FOXN3: variants seen among roughly 807,000 people sequenced by gnomAD.
FOXN3 encodes forkhead box protein N3.
FOXN3 carries 7 observed loss-of-function variants against 38.4 expected under a neutral mutation model. The observed-to-expected ratio is 0.18, with a 90% CI of 0.10 to 0.34. FOXN3 has a LOEUF of 0.34. FOXN3 is among the 10% of genes least tolerant of loss of function. The pLI, the probability that FOXN3 is intolerant of heterozygous loss-of-function variation, is 1.00. For missense variants in FOXN3, 456 were observed against 613.4 expected, an observed-to-expected ratio of 0.74 and a Z score of 2.71; for synonymous variants, 230 against 242.2, an observed-to-expected ratio of 0.95 and a Z score of 0.47.
At chr14:89,268,463 ACT>A (rs1379217220) in intron 4 of FOXN3, among the ~76,000 whole-genome samples, 1 of 152,210 alleles carries the variant, frequency 6.6e-6, no homozygotes, top group Admixed American at 6.5e-5. Context: ...AATTAGAAAC[ACT>A]GTATTCATCA....
chr14:89,307,023 A>C (rs1317862824), intron 3 of FOXN3, among the ~76,000 whole-genome samples: 4 of 152,236 alleles, frequency 2.6e-5, no homozygotes, highest in Non-Finnish European at 4.4e-5. Context: ...CAGAGTAGTG[A>C]CATTTTAATC....
At chr14:89,513,053 T>C (rs1023924464) in intron 1 of FOXN3, among the ~76,000 whole-genome samples, 1 of 150,142 alleles carries the variant, frequency 6.7e-6, no homozygotes, top group Admixed American at 6.7e-5. Flanking sequence ...GGCAGGAGAA[T>C]TGCTTGAACT....
intron 2 of FOXN3, among the ~76,000 whole-genome samples, chr14:89,401,040 G>A (rs983254686): frequency 5.3e-5 from 8 of 152,156 alleles, no homozygotes; most frequent in Non-Finnish European, 1.0e-4. Context: ...ACCCAAAACA[G>A]TGCCTGGCAC....
intron 3 of FOXN3, among the ~76,000 whole-genome samples, chr14:89,315,963 C>A (rs1379905359): frequency 2.0e-5 from 3 of 152,186 alleles, no homozygotes; most frequent in Admixed American, 6.5e-5. Context: ...GCTTTCCCTT[C>A]TCCCAAGATC....
intron 4 of FOXN3, among the ~76,000 whole-genome samples, chr14:89,219,228 C>G (rs986416362): frequency 6.6e-6 from 1 of 152,116 alleles, no homozygotes; most frequent in Non-Finnish European, 1.5e-5. Flanking sequence ...CTCACGAGAT[C>G]TGATGGTTTA....
At chr14:89,339,530 T>C (rs1024432916) in intron 3 of FOXN3, among the ~76,000 whole-genome samples, 1 of 152,278 alleles carries the variant, frequency 6.6e-6, no homozygotes, top group Non-Finnish European at 1.5e-5. Context: ...CGGATCCTGC[T>C]CCTTCCAATG....
chr14:89,427,249 G>A (rs10133004), intron 1 of FOXN3, among the ~76,000 whole-genome samples: 8,090 of 121,442 alleles, frequency 0.067, 406 homozygotes, highest in African/African-American at 0.1. Context: ...AAAGAAAAGA[G>A]AAGAAAAAGA....
At chr14:89,611,930 G>C (rs1029641804) in intron 1 of FOXN3, among the ~76,000 whole-genome samples, 2 of 152,104 alleles carry the variant, frequency 1.3e-5, no homozygotes, top group African/African-American at 4.8e-5. Flanking sequence ...GGGAATTACA[G>C]CAAATATTCC....
intron 1 of FOXN3, among the ~76,000 whole-genome samples, chr14:89,502,455 A>T (rs1893823246): frequency 6.6e-6 from 1 of 152,258 alleles, no homozygotes; most frequent in Admixed American, 6.5e-5. Flanking sequence ...TTAGAAATAG[A>T]TCATTTTTAT....
rs1452506204 is a variant in FOXN3, at chr14:89,162,810, G to A, written c.1011C>T (p.Ser337=). ...SPTSDSISSS[S]SSADDHYEFA... ...ACTCATAGTGGTCGTCGGCTGAGGA[G>A]GAGGAGGAGGAGATGGAGTCGCTGG... Residue 337 remains serine, a synonymous_variant, in exon 6 of 6, where the codon TCC becomes TCT. Coordinates refer to ENST00000557258, the MANE Select transcript of FOXN3 (RefSeq NM_005197.4). The surrounding 1 kb of genome is among the most constrained non-coding windows in gnomAD (Gnocchi z 7.2). 11 of 1,611,648 alleles carry A rather than the reference G, an allele frequency of 6.8e-6. No individual in the cohort carries two copies. Among genetic ancestry groups the A allele is most frequent in the Non-Finnish European group, 9.3e-6 (11 of 1,179,450 alleles).
chr14:89,525,979 A>G (rs1288340170), intron 1 of FOXN3, among the ~76,000 whole-genome samples: 1 of 151,948 alleles, frequency 6.6e-6, no homozygotes, highest in Non-Finnish European at 1.5e-5. Flanking sequence ...AAGATCAATC[A>G]ATAAAATGGA....
At chr14:89,499,569 T>G (rs1284691053) in intron 1 of FOXN3, among the ~76,000 whole-genome samples, 2 of 152,208 alleles carry the variant, frequency 1.3e-5, no homozygotes, top group African/African-American at 4.8e-5. Context: ...TGCTTAATTT[T>G]AGTTTCTAAA....
chr14:89,452,381 TCTCCCCAGCACG>T (rs1427272324), intron 1 of FOXN3, among the ~76,000 whole-genome samples: 2 of 152,004 alleles, frequency 1.3e-5, no homozygotes, highest in Non-Finnish European at 2.9e-5. Flanking sequence ...CCCATCCCCA[TCTCCCCAGCACG>T]CTGGGGAGGG....
chr14:89,570,303 C>T (rs1367753438), intron 1 of FOXN3, among the ~76,000 whole-genome samples: 2 of 151,964 alleles, frequency 1.3e-5, no homozygotes, highest in African/African-American at 4.8e-5. Flanking sequence ...CCAGCCGGTA[C>T]ACTTGGTAAT....
intron 4 of FOXN3, among the ~76,000 whole-genome samples, chr14:89,234,075 C>T (rs1050420105): frequency 1.3e-4 from 20 of 152,118 alleles, no homozygotes; most frequent in Admixed American, 1.3e-3. Context: ...AGATTCTCCC[C>T]AAAGACCACT....
At chr14:89,259,641 G>A (rs1011091597) in intron 4 of FOXN3, among the ~76,000 whole-genome samples, 4 of 152,090 alleles carry the variant, frequency 2.6e-5, no homozygotes, top group East Asian at 1.9e-4. Context: ...GGAACTAGGC[G>A]GGATATGTTA....
At chr14:89,259,749 G>A (rs1050906801) in intron 4 of FOXN3, among the ~76,000 whole-genome samples, 39 of 152,138 alleles carry the variant, frequency 2.6e-4, no homozygotes, top group African/African-American at 8.9e-4. Flanking sequence ...ACCAGGGCTC[G>A]GCAGAAACTT....
chr14:89,371,429 A>T (rs1890316468), intron 2 of FOXN3, among the ~76,000 whole-genome samples: 1 of 152,040 alleles, frequency 6.6e-6, no homozygotes, highest in African/African-American at 2.4e-5. Flanking sequence ...ACAATCCAAG[A>T]AAACCTCCCA....
At chr14:89,405,706 C>T (rs1655751296) in intron 2 of FOXN3, among the ~76,000 whole-genome samples, 2 of 152,100 alleles carry the variant, frequency 1.3e-5, no homozygotes, top group Non-Finnish European at 2.9e-5. Flanking sequence ...CTCAACGGTA[C>T]AAAAATATAC....
Sources: gnomAD v4.1 joint callset for allele counts (sites outside exome capture counted in the v4.1 genomes callset) on GRCh38, gnomAD v4.1.1 for gene constraint, Gnocchi (gnomAD v3.1) non-coding constraint, MANE v1.5 for transcripts, NCBI Gene and HGNC (gene_info 2026-07-23, HGNC 2026-07-21) for gene names.